The following DRICH1 variants were observed in gnomAD, a reference collection of about 807,000 sequenced individuals.
The protein encoded by DRICH1 is aspartate rich 1.
Under a neutral mutation model 39.5 loss-of-function variants are expected in DRICH1, and 38 were observed. That is an observed-to-expected ratio of 0.96 (90% CI 0.74 to 1.26). The LOEUF is 1.26. Among genes scored for constraint, DRICH1 ranks in the 50% most tolerant of loss-of-function variants. DRICH1 has a pLI of 0.00. For missense variants in DRICH1, 279 were observed against 270.4 expected (o/e 1.03, Z -0.22); for synonymous variants, 84 against 99.5 (o/e 0.84, Z 0.93).
chr22:23,592,940 G>A, the DRICH1 span, among the ~76,000 whole-genome samples: 1 of 151,462 alleles, frequency 6.6e-6, no homozygotes, highest in African/African-American at 2.4e-5. Context: ...GCTGAGGCAG[G>A]AGAATTCCTT....
At chr22:23,595,866 T>C in the DRICH1 span, among the ~76,000 whole-genome samples, 56 of 152,288 alleles carry the variant, frequency 3.7e-4, 1 homozygote, top group South Asian at 8.1e-3. Context: ...AGAGGACAAG[T>C]TGACTCAGAC....
chr22:23,585,534 T>C, the DRICH1 span, among the ~76,000 whole-genome samples: 2 of 152,146 alleles, frequency 1.3e-5, no homozygotes, highest in Non-Finnish European at 2.9e-5. Context: ...TTCTTTTCTT[T>C]TTTTTGAGAC....
intron 1 of DRICH1, among the ~76,000 whole-genome samples, chr22:23,630,298 G>C (rs1266546688): frequency 6.6e-6 from 1 of 152,154 alleles, no homozygotes; most frequent in Non-Finnish European, 1.5e-5. Flanking sequence ...CATATATCAC[G>C]GTGGAGTGAT....
the DRICH1 span, among the ~76,000 whole-genome samples, chr22:23,592,110 C>T: frequency 5.3e-5 from 8 of 152,224 alleles, no homozygotes; most frequent in Non-Finnish European, 8.8e-5. Context: ...CGCAATGGGG[C>T]TGGAGCATGG....
chr22:23,612,597 G>A (rs1045728152), intron 11 of DRICH1, among the ~76,000 whole-genome samples: 8 of 151,522 alleles, frequency 5.3e-5, no homozygotes, highest in African/African-American at 1.9e-4. Context: ...AGGAACTTTT[G>A]GCTTCCCAAA....
At chr22:23,588,061 T>C in the DRICH1 span, among the ~76,000 whole-genome samples, 3 of 152,158 alleles carry the variant, frequency 2.0e-5, no homozygotes, top group Non-Finnish European at 4.4e-5. Flanking sequence ...CCGAGGCCTC[T>C]TCTCCACAGC....
At chr22:23,598,856 G>A in the DRICH1 span, among the ~76,000 whole-genome samples, 4 of 152,190 alleles carry the variant, frequency 2.6e-5, no homozygotes, top group South Asian at 4.1e-4. Context: ...GGTGTGCTCC[G>A]ATGTGAGCTT....
the DRICH1 span, among the ~76,000 whole-genome samples, chr22:23,582,281 C>CTT: frequency 7.0e-6 from 1 of 143,706 alleles, no homozygotes; most frequent in Non-Finnish European, 1.5e-5. Context: ...CTGGCTTTTT[C>CTT]TTTTTTTTTT....
At chr22:23,590,405 G>A in the DRICH1 span, among the ~76,000 whole-genome samples, 2 of 151,470 alleles carry the variant, frequency 1.3e-5, no homozygotes, top group Non-Finnish European at 2.9e-5. Context: ...AGCCTCACAA[G>A]TAGCTGGGAT....
Position 23,631,851 on chromosome 22 carries a change from T to A in DRICH1, c.173A>T (p.Asp58Val). The A allele has an allele frequency of 6.2e-7, 1 of 1,612,456 alleles. No homozygotes were observed. The highest frequency in any genetic ancestry group is 8.5e-7 in the Non-Finnish European group (1 of 1,180,020). The change falls in exon 1 of 12, where the codon GAC becomes GTC. Residue 58 changes from aspartate to valine, a missense_variant. Asp to Val is a radical substitution (Grantham distance 152). Coordinates refer to ENST00000317749, the MANE Select transcript of DRICH1 (RefSeq NM_016449.4). ...KLDVGATEGQDLQHISNQKMP... is the reference protein window; with the variant it reads ...KLDVGATEGQVLQHISNQKMP... ...CTTTTGGTTGCTGATGTGCTGCAGG[T>A]CTTGGCCCTCCGTGGCTCCCACATC...
chr22:23,592,611 G>A, the DRICH1 span, among the ~76,000 whole-genome samples: 10 of 152,266 alleles, frequency 6.6e-5, no homozygotes. Context: ...GGCCCAGTCT[G>A]CACAGTGGGA....
intron 4 of DRICH1, among the ~76,000 whole-genome samples, chr22:23,621,264 A>G (rs1256544945): frequency 6.6e-6 from 1 of 151,958 alleles, no homozygotes; most frequent in African/African-American, 2.4e-5. Context: ...AGTTTAGTCT[A>G]AGTTGAAAGT....
At chr22:23,600,028 A>G in the DRICH1 span, among the ~76,000 whole-genome samples, 2 of 152,236 alleles carry the variant, frequency 1.3e-5, no homozygotes, top group South Asian at 2.1e-4. Context: ...TTGTGGAAGG[A>G]TGGGTGTGTG....
intron 6 of DRICH1, among the ~76,000 whole-genome samples, 175 bp from the exon 7 acceptor site, chr22:23,617,832 T>G (rs1396624336): frequency 1.3e-5 from 2 of 152,148 alleles, no homozygotes; most frequent in Non-Finnish European, 1.5e-5. Context: ...GGCCTTGGCC[T>G]TGTACTAGAG....
At chr22:23,597,512 A>AAAAAT in the DRICH1 span, among the ~76,000 whole-genome samples, 1 of 151,458 alleles carries the variant, frequency 6.6e-6, no homozygotes, top group African/African-American at 2.4e-5. Flanking sequence ...CAAAAAAAAA[A>AAAAAT]AAAAAAGGAA....
chr22:23,607,683 GC>G (rs374091312), downstream of DRICH1, among the ~76,000 whole-genome samples: 457 of 152,174 alleles, frequency 3.0e-3, 4 homozygotes, highest in African/African-American at 0.01. Flanking sequence ...CCCCATCCCC[GC>G]CCCATCATTC....
the DRICH1 span, among the ~76,000 whole-genome samples, chr22:23,592,301 T>C: frequency 6.6e-6 from 1 of 152,020 alleles, no homozygotes; most frequent in Admixed American, 6.5e-5. Flanking sequence ...CAGGAGGCTG[T>C]GCACTGGGCC....
chr22:23,594,839 AG>A, the DRICH1 span, among the ~76,000 whole-genome samples: 8 of 151,724 alleles, frequency 5.3e-5, no homozygotes, highest in African/African-American at 1.9e-4. Context: ...CTGTGGTTTC[AG>A]GGCCTGGAGG....
At chr22:23,582,843 G>C in the DRICH1 span, among the ~76,000 whole-genome samples, 3 of 151,382 alleles carry the variant, frequency 2.0e-5, no homozygotes, top group South Asian at 2.1e-4. Context: ...TTACAGGCGT[G>C]AGCCATCGTG....
Sources: allele counts gnomAD v4.1 joint callset (sites outside exome capture counted in the v4.1 genomes callset), GRCh38; gene constraint gnomAD v4.1.1; transcripts MANE v1.5; gene names NCBI Gene and HGNC (gene_info 2026-07-23, HGNC 2026-07-21).